CCDC50: variants seen among roughly 807,000 people sequenced by gnomAD.
CCDC50 encodes the protein coiled-coil domain-containing protein 50.
Under a neutral mutation model 70.2 loss-of-function variants are expected in CCDC50, and 54 were observed. The ratio of observed to expected loss-of-function variants is 0.77; its 90% CI spans 0.62 to 0.96. The LOEUF is 0.96. Among genes scored for constraint, CCDC50 ranks in the 50% least tolerant of loss-of-function variants. The probability of loss-of-function intolerance (pLI) is 0.00; values close to 1 mark genes in which losing one functional copy is unlikely to be tolerated. For missense variants in CCDC50, 558 were observed against 578.7 expected (o/e 0.96, Z 0.37); for synonymous variants, 216 against 198.8 (o/e 1.09, Z -0.73).
intron 1 of CCDC50, among the ~76,000 whole-genome samples, chr3:191,348,482 A>G (rs1358761551): frequency 7.0e-6 from 1 of 142,314 alleles, no homozygotes; most frequent in East Asian, 1.9e-4. Flanking sequence ...AAATTGCAAA[A>G]ATTCTGTGTC....
chr3:191,329,855 A>C (rs1220680653), intron 1 of CCDC50, 132 bp downstream of exon 1: 1 of 723,848 alleles, frequency 1.4e-6, no homozygotes, highest in South Asian at 1.7e-5. Context: ...CCTTGCCCGG[A>C]CGTGAAAGGA....
Position 191,394,756 on chromosome 3 carries a change from CAAATT to C in CCDC50, c.*3001_*3005del, listed in dbSNP as rs1431287067. On this transcript the variant is annotated 3_prime_UTR_variant, in exon 12 of 12. Transcript: ENST00000392455. ...TTTGGAAGTAAAGTTAGATAAGAGT[CAAATT>C]AAATGTTTTGACTTGAAAAATATTT... The C allele has an allele frequency of 2.0e-5, 3 of 152,104 alleles. No individual in the cohort carries two copies. The highest frequency in any genetic ancestry group is 6.6e-5 in the Admixed American group (1 of 15,264). 9.4% of individuals were successfully genotyped at this position (152,104 alleles called of 1,614,324 possible).
chr3:191,334,829 G>C (rs1213948762), intron 1 of CCDC50, among the ~76,000 whole-genome samples: 1 of 152,066 alleles, frequency 6.6e-6, no homozygotes, highest in African/African-American at 2.4e-5. Flanking sequence ...CTTTTTCTGA[G>C]GATAGTTATT....
chr3:191,373,539 A>T (rs1478629821), intron 5 of CCDC50, among the ~76,000 whole-genome samples: 1 of 152,070 alleles, frequency 6.6e-6, no homozygotes, highest in Non-Finnish European at 1.5e-5. Context: ...ACCGTAAACC[A>T]TTGTTCCCCG....
At position 191,329,468 on chromosome 3, in the gene CCDC50, G is replaced by A. The variant is rs547588998; in HGVS notation, c.-207G>A. The A allele has an allele frequency of 2.3e-4, 112 of 478,312 alleles. No individual in the cohort carries two copies. The highest frequency in any genetic ancestry group is 2.3e-3 in the African/African-American group (109 of 48,328). 29.6% of individuals were successfully genotyped at this position (478,312 alleles called of 1,614,324 possible). A position where few individuals can be genotyped will look rare whatever the true frequency, so the allele number is the denominator to read the frequency against. Reference sequence around the variant, plus strand: ...CAGGTGGCCGCGGCGGGGCAGCTGGGCCGCCAGCTTGGTGCCTCGGGGACC... The same window carrying A: ...CAGGTGGCCGCGGCGGGGCAGCTGGACCGCCAGCTTGGTGCCTCGGGGACC... On this transcript the variant is annotated 5_prime_UTR_variant, in exon 1 of 12. Coordinates refer to ENST00000392455, the MANE Select transcript of CCDC50 (RefSeq NM_178335.3).
chr3:191,364,957 G>A (rs1297048082), intron 4 of CCDC50, among the ~76,000 whole-genome samples: 1 of 151,986 alleles, frequency 6.6e-6, no homozygotes, highest in African/African-American at 2.4e-5. Flanking sequence ...GAAGGAGCTT[G>A]TAGACTTTGG....
chr3:191,365,094 G>A (rs1712636071), intron 4 of CCDC50, among the ~76,000 whole-genome samples: 1 of 151,858 alleles, frequency 6.6e-6, no homozygotes, highest in South Asian at 2.1e-4. Context: ...CTAGATGTGT[G>A]TGTGTGTTTA....
At chr3:191,332,471 T>C (rs1718023974) in intron 1 of CCDC50, among the ~76,000 whole-genome samples, 2 of 152,346 alleles carry the variant, frequency 1.3e-5, no homozygotes, top group South Asian at 4.1e-4. Context: ...CTTTTTGTAA[T>C]GGAAAACGCT....
intron 1 of CCDC50, among the ~76,000 whole-genome samples, chr3:191,329,941 TTGGG>T (rs1358992656): frequency 1.7e-3 from 9 of 5,354 alleles, no homozygotes; most frequent in African/African-American, 5.2e-3. Context: ...AAGGGGGTGG[TTGGG>T]GGGGGGGGGG....
At chr3:191,360,720 GT>G (rs1301611697) in intron 3 of CCDC50, among the ~76,000 whole-genome samples, 1 of 152,214 alleles carries the variant, frequency 6.6e-6, no homozygotes, top group Non-Finnish European at 1.5e-5. Flanking sequence ...AGAATGATTT[GT>G]GGTTATTAGT....
At chr3:191,367,917 T>C (rs1172783333) in intron 4 of CCDC50, among the ~76,000 whole-genome samples, 1 of 152,102 alleles carries the variant, frequency 6.6e-6, no homozygotes, top group Non-Finnish European at 1.5e-5. Flanking sequence ...GAGAATAGGC[T>C]ATCTGTCCCG....
In CCDC50 at chr3:191,358,108, A is replaced by G. The variant is rs762811170; in HGVS notation, c.223A>G (p.Lys75Glu). ...TCTGAAAGCGCAGGCCCAGCTCCAG[A>G]AGCGCTACAAAGACCTGTGAGGATT... ...EDLKAQAQLQ[K>E]RYKDLEQQDC... Residue 75 changes from lysine to glutamate, a missense_variant, in exon 3 of 12, where the codon AAG (lysine) becomes GAG (glutamate). Physicochemically the swap from Lys to Glu is moderately conservative, Grantham distance 56. Transcript: ENST00000392455. The G allele has an allele frequency of 6.2e-7, 1 of 1,613,830 alleles. No homozygotes were observed. Among genetic ancestry groups the G allele is most frequent in the Non-Finnish European group, 8.5e-7 (1 of 1,179,848 alleles).
At chr3:191,338,885 T>C (rs908116539) in intron 1 of CCDC50, among the ~76,000 whole-genome samples, 1 of 152,210 alleles carries the variant, frequency 6.6e-6, no homozygotes, top group Non-Finnish European at 1.5e-5. Flanking sequence ...CTGGTAATTT[T>C]TGTACACGTT....
chr3:191,361,245 A>G (rs183305595), intron 4 of CCDC50, 86 bp downstream of exon 4: 72 of 922,276 alleles, frequency 7.8e-5, no homozygotes, highest in Admixed American at 4.4e-4. Flanking sequence ...CACGGGCTCA[A>G]TGAAGGGTTT....
Position 191,358,011 on chromosome 3 carries a change from G to A in CCDC50, c.126G>A (p.Leu42=), listed in dbSNP as rs2108648955. The A allele has an allele frequency of 6.2e-7, 1 of 1,613,952 alleles. No individual in the cohort carries two copies. Among genetic ancestry groups the A allele is most frequent in the South Asian group, 1.1e-5 (1 of 91,076 alleles). The part of the protein sequence containing the change: ...SLQEQEIEHH[L]ASNVQRNRLV... ...TTTTTGTTCCAGTTGAGCATCATTT[G>A]GCATCGAACGTTCAGCGGAACCGTT... The change falls in exon 3 of 12, where the codon TTG becomes TTA. Residue 42 remains leucine (L), a synonymous_variant. Transcript: ENST00000392455.
intron 1 of CCDC50, among the ~76,000 whole-genome samples, chr3:191,343,791 A>G (rs1350282055): frequency 6.6e-6 from 1 of 152,176 alleles, no homozygotes; most frequent in Non-Finnish European, 1.5e-5. Context: ...GTGCTTGGTA[A>G]AGTATTAGAG....
intron 9 of CCDC50, 114 bp downstream of exon 9, chr3:191,381,046 A>G (rs1406752272): frequency 2.5e-6 from 2 of 805,414 alleles, no homozygotes; most frequent in East Asian, 5.4e-5. Flanking sequence ...TATATAAATT[A>G]TCTGTATTGC....
At chr3:191,376,096 A>C (rs1291761576) in intron 6 of CCDC50, among the ~76,000 whole-genome samples, 5 of 152,172 alleles carry the variant, frequency 3.3e-5, no homozygotes, top group Non-Finnish European at 5.9e-5. Flanking sequence ...GTATTTTTCA[A>C]ATAATATGCC....
chr3:191,344,627 G>A (rs900228848), intron 1 of CCDC50, among the ~76,000 whole-genome samples: 1 of 152,258 alleles, frequency 6.6e-6, no homozygotes, highest in African/African-American at 2.4e-5. Flanking sequence ...CACGCAGGCT[G>A]GATTGCAGTA....
Sources: allele counts gnomAD v4.1 joint callset (sites outside exome capture counted in the v4.1 genomes callset), GRCh38; gene constraint gnomAD v4.1.1; transcripts MANE v1.5; gene names NCBI Gene and HGNC (gene_info 2026-07-23, HGNC 2026-07-21).